The following FOCAD variants were observed in gnomAD, a reference collection of about 807,000 sequenced individuals.
The protein encoded by FOCAD is focadhesin.
FOCAD carries 198 observed loss-of-function variants against 225.6 expected under a neutral mutation model. The ratio of observed to expected loss-of-function variants is 0.88; its 90% CI spans 0.78 to 0.99. The LOEUF is 0.99. Among genes scored for constraint, FOCAD ranks in the 50% least tolerant of loss-of-function variants. FOCAD has a pLI of 0.00. For missense variants in FOCAD, 2,713 were observed against 2,123.6 expected, an observed-to-expected ratio of 1.28 and a Z score of -5.46; for synonymous variants, 897 against 755.0, an observed-to-expected ratio of 1.19 and a Z score of -3.08.
chr9:20,949,826 T>A (rs1169121559), intron 33 of FOCAD, 151 bp downstream of exon 33: 1 of 603,088 alleles, frequency 1.7e-6, no homozygotes, highest in Admixed American at 2.9e-5. Context: ...GAGTGATGTG[T>A]GGACCTGTGT....
At chr9:20,726,296 G>T (rs545851932) in intron 4 of FOCAD, 1 of 152,178 alleles carries the variant, frequency 6.6e-6, no homozygotes, top group South Asian at 2.1e-4. Flanking sequence ...CATTGTTACA[G>T]TTGCTTAGTA....
chr9:20,676,468 A>G (rs368858104), intron 2 of FOCAD, among the ~76,000 whole-genome samples: 5 of 152,176 alleles, frequency 3.3e-5, no homozygotes, highest in African/African-American at 1.2e-4. Context: ...ATGTTTCTCA[A>G]TATAAAATTA....
intron 1 of FOCAD, among the ~76,000 whole-genome samples, chr9:20,706,025 A>G (rs1038263390): frequency 2.8e-5 from 4 of 141,338 alleles, no homozygotes; most frequent in Non-Finnish European, 4.5e-5. Flanking sequence ...GCCTTGATCT[A>G]CTGGACTCAA....
intron 5 of FOCAD, among the ~76,000 whole-genome samples, chr9:20,748,958 T>C (rs1024948440): frequency 7.2e-5 from 11 of 152,172 alleles, no homozygotes; most frequent in Non-Finnish European, 5.9e-5. Context: ...TGCTGCTAAA[T>C]GTCTTTAAGG....
intron 1 of FOCAD, among the ~76,000 whole-genome samples, chr9:20,694,972 C>A (rs907595482): frequency 6.6e-6 from 1 of 152,108 alleles, no homozygotes; most frequent in Non-Finnish European, 1.5e-5. Context: ...GTTACTATGT[C>A]TGTTTAGTCA....
chr9:20,681,161 C>T (rs898667453), upstream of FOCAD, among the ~76,000 whole-genome samples: 15 of 152,104 alleles, frequency 9.9e-5, no homozygotes, highest in African/African-American at 2.9e-4. Flanking sequence ...ATCAGTGAAG[C>T]GTAAAAAAAT....
At chr9:20,837,627 C>T (rs1044345227) in intron 15 of FOCAD, among the ~76,000 whole-genome samples, 2 of 151,712 alleles carry the variant, frequency 1.3e-5, no homozygotes, top group East Asian at 3.9e-4. Flanking sequence ...GACAAAATGA[C>T]GTTAATGTTT....
intron 11 of FOCAD, among the ~76,000 whole-genome samples, chr9:20,812,269 A>T: frequency 6.6e-6 from 1 of 152,170 alleles, no homozygotes; most frequent in African/African-American, 2.4e-5. Context: ...CTAATTTATT[A>T]CTATATATCT....
intron 39 of FOCAD, among the ~76,000 whole-genome samples, chr9:20,985,773 G>A (rs1841097315): frequency 1.3e-5 from 2 of 152,068 alleles, no homozygotes; most frequent in African/African-American, 4.8e-5. Flanking sequence ...TTGTTTACAA[G>A]GATATTTTAA....
intron 39 of FOCAD, among the ~76,000 whole-genome samples, chr9:20,983,249 G>C (rs1251410891): frequency 1.3e-5 from 2 of 152,148 alleles, no homozygotes; most frequent in African/African-American, 2.4e-5. Context: ...AGGTGATTCT[G>C]GTGTATCCTA....
At chr9:20,711,863 G>T (rs555368067) in intron 1 of FOCAD, among the ~76,000 whole-genome samples, 2 of 152,274 alleles carry the variant, frequency 1.3e-5, no homozygotes, top group South Asian at 4.2e-4. Flanking sequence ...GAGTGGCTGG[G>T]GAGTGCCTCC....
intron 35 of FOCAD, among the ~76,000 whole-genome samples, chr9:20,960,013 T>C (rs554547191): frequency 6.6e-6 from 1 of 152,330 alleles, no homozygotes; most frequent in East Asian, 1.9e-4. Context: ...CACATTCCTT[T>C]CAACCAGGGG....
At chr9:20,797,070 G>T (rs537967108) in intron 11 of FOCAD, among the ~76,000 whole-genome samples, 74 of 152,226 alleles carry the variant, frequency 4.9e-4, no homozygotes, top group African/African-American at 1.7e-3. Context: ...TATTAAATAG[G>T]GAATCTTTAA....
chr9:20,958,778 G>A (rs185403340), intron 35 of FOCAD, among the ~76,000 whole-genome samples: 142 of 152,160 alleles, frequency 9.3e-4, no homozygotes, highest in Middle Eastern at 3.4e-3. Flanking sequence ...ATATGAGTGA[G>A]AACATGTGCT....
rs1278873007 is a variant in FOCAD, at chr9:20,948,326, G to A, written c.3731G>A (p.Gly1244Glu). The A allele has an allele frequency of 2.5e-6, 4 of 1,612,556 alleles. No individual in the cohort carries two copies. The highest frequency in any genetic ancestry group is 2.2e-5 in the East Asian group (1 of 44,780). The change falls in exon 31 of 44, where the codon GGA becomes GAA. Residue 1244 changes from glycine (G) to glutamate (E), a missense_variant. Transcript: ENST00000338382. ...ATAGTTCATGGATTGTCTGTGTGTG[G>A]ACATGGAAAAGCTGAAGACTTGGGC... ...GNIVHGLSVC[G>E]HGKAEDLGSK...
chr9:20,988,364 C>A lies in FOCAD; in HGVS notation c.4939C>A (p.Leu1647Met), dbSNP rs778168462. The A allele has an allele frequency of 1.2e-6, 2 of 1,611,660 alleles. No homozygotes were observed. The highest frequency in any genetic ancestry group is 1.7e-6 in the Non-Finnish European group (2 of 1,178,676). ...GAAGAGAATGGAGTGGCTCTTGGAA[C>A]TGATGGGTTATATTAGAAATGTTGC... is the stretch of plus-strand genomic sequence containing the variant. ...VLKRMEWLLELMGYIRNVAYQ... is the reference protein window; with the variant it reads ...VLKRMEWLLEMMGYIRNVAYQ... Residue 1647 changes from leucine to methionine, a missense_variant, in exon 41 of 44, where the codon CTG becomes ATG. Physicochemically the swap from Leu to Met is conservative, Grantham distance 15 (BLOSUM62 2). Coordinates refer to ENST00000338382, the MANE Select transcript of FOCAD (RefSeq NM_001375567.1).
chr9:20,967,353 T>C (rs367931242), intron 35 of FOCAD, among the ~76,000 whole-genome samples: 14 of 152,170 alleles, frequency 9.2e-5, no homozygotes, highest in African/African-American at 3.1e-4. Context: ...AACTAATTTT[T>C]GTGTGTTGGT....
chr9:20,956,188 G>T (rs909083768), intron 35 of FOCAD, among the ~76,000 whole-genome samples: 1 of 152,170 alleles, frequency 6.6e-6, no homozygotes, highest in Non-Finnish European at 1.5e-5. Flanking sequence ...ACCATGAGAG[G>T]TAATTGTTAA....
chr9:20,804,977 C>T (rs191396764), intron 11 of FOCAD, among the ~76,000 whole-genome samples: 1 of 152,224 alleles, frequency 6.6e-6, no homozygotes, highest in African/African-American at 2.4e-5. Context: ...CCATTACACC[C>T]TTCTTAATCT....
Sources: gnomAD v4.1 joint callset for allele counts (sites outside exome capture counted in the v4.1 genomes callset) on GRCh38, gnomAD v4.1.1 for gene constraint, MANE v1.5 for transcripts, NCBI Gene and HGNC (gene_info 2026-07-23, HGNC 2026-07-21) for gene names.